The following LRRTM4 variants were observed in gnomAD, a reference collection of about 807,000 sequenced individuals.
The protein encoded by LRRTM4 is leucine-rich repeat transmembrane neuronal protein 4.
A neutral mutation model predicts 47.6 loss-of-function variants in LRRTM4; 25 were observed. That is an observed-to-expected ratio of 0.53 (90% CI 0.38 to 0.73). The LOEUF (loss-of-function observed/expected upper bound fraction) is 0.73. Among genes scored for constraint, LRRTM4 ranks in the 30% least tolerant of loss-of-function variants. The pLI, the probability that LRRTM4 is intolerant of heterozygous loss-of-function variation, is 0.00. For synonymous variants in LRRTM4, 311 were observed against 269.5 expected (o/e 1.15, Z -1.51); for missense variants, 638 against 713.4 (o/e 0.89, Z 1.20).
At chr2:77,001,225 A>T (rs1288266225) in intron 3 of LRRTM4, among the ~76,000 whole-genome samples, 1 of 152,174 alleles carries the variant, frequency 6.6e-6, no homozygotes, top group African/African-American at 2.4e-5. Flanking sequence ...TACACTCAAA[A>T]AAGTAAGGCC....
chr2:77,084,370 T>A (rs1031080638), intron 3 of LRRTM4, among the ~76,000 whole-genome samples: 1 of 152,204 alleles, frequency 6.6e-6, no homozygotes, highest in African/African-American at 2.4e-5. Flanking sequence ...GCCTACGTCC[T>A]GAGGACTTTG....
intron 3 of LRRTM4, among the ~76,000 whole-genome samples, chr2:77,357,239 AAAAC>A (rs1486520525): frequency 2.0e-5 from 3 of 152,178 alleles, no homozygotes; most frequent in Non-Finnish European, 4.4e-5. Flanking sequence ...TTGAAGAAGA[AAAAC>A]AAACAAAATG....
intron 3 of LRRTM4, among the ~76,000 whole-genome samples, chr2:77,281,926 T>A (rs1231532400): frequency 6.6e-6 from 1 of 151,892 alleles, no homozygotes; most frequent in African/African-American, 2.4e-5. Flanking sequence ...AAAAAAATCA[T>A]TCACATTGTA....
At chr2:77,515,396 A>G (rs2104114707) in intron 3 of LRRTM4, among the ~76,000 whole-genome samples, 1 of 151,986 alleles carries the variant, frequency 6.6e-6, no homozygotes, top group East Asian at 1.9e-4. Flanking sequence ...AATTTAAAAA[A>G]TCCTTTTAAA....
chr2:77,272,780 C>CT (rs1230777635), intron 3 of LRRTM4, among the ~76,000 whole-genome samples: 1 of 152,090 alleles, frequency 6.6e-6, no homozygotes, highest in African/African-American at 2.4e-5. Context: ...CACCACCCTC[C>CT]TTTTTTTCTT....
At chr2:77,346,021 T>TA (rs910190876) in intron 3 of LRRTM4, among the ~76,000 whole-genome samples, 17 of 151,534 alleles carry the variant, frequency 1.1e-4, no homozygotes, top group African/African-American at 2.4e-4. Context: ...ATACTACTTA[T>TA]AAAAAAAAGA....
intron 3 of LRRTM4, among the ~76,000 whole-genome samples, chr2:76,926,354 C>CT (rs142287925): frequency 0.014 from 2,107 of 152,180 alleles, 38 homozygotes; most frequent in African/African-American, 0.047. Flanking sequence ...TACCATATCA[C>CT]TCTATATTAG....
rs532990718 is a variant in LRRTM4 at position 77,422,421 on chromosome 2, A to C, written c.1551+95897T>G. On this transcript the variant is annotated intron_variant, in intron 3 of 3. Coordinates refer to ENST00000409884, the MANE Select transcript of LRRTM4 (RefSeq NM_001134745.3). ...CAGAAATGTAATAAATGGTACCAGC[A>C]AGTTGCAATTTGTTAAATCCATACT... 5.3e-5 allele frequency among the ~76,000 whole-genome samples: 8 copies of C among 152,306 alleles called. No homozygotes were observed. In the South Asian group the frequency reaches 1.7e-3, roughly 32 times the overall value.
At chr2:77,035,301 C>T (rs985266152) in intron 3 of LRRTM4, among the ~76,000 whole-genome samples, 8 of 151,076 alleles carry the variant, frequency 5.3e-5, no homozygotes, top group Non-Finnish European at 1.2e-4. Context: ...CCAGAAGAAT[C>T]CTGTATATAT....
chr2:77,167,741 G>A (rs191804656), intron 3 of LRRTM4, among the ~76,000 whole-genome samples: 431 of 152,236 alleles, frequency 2.8e-3, no homozygotes, highest in South Asian at 0.011. Flanking sequence ...TCATAGGTGG[G>A]AATTAAACAA....
At chr2:77,489,558 G>C (rs1438294334) in intron 3 of LRRTM4, among the ~76,000 whole-genome samples, 1 of 152,140 alleles carries the variant, frequency 6.6e-6, no homozygotes, top group Admixed American at 6.5e-5. Flanking sequence ...GCACATTTAA[G>C]AGTTTTCTTT....
Position 76,812,032 on chromosome 2 carries a change from T to C in LRRTM4, c.1552-63116A>G, listed in dbSNP as rs561994347. Among the ~76,000 whole-genome samples, 5 of 152,206 alleles carry C rather than the reference T, an allele frequency of 3.3e-5. No individual in the cohort carries two copies. In the South Asian group the frequency reaches 1.0e-3, roughly 31 times the overall value. ...AATTGTATTTCAAACACTGAGTTTA[T>C]TTTTTTCCTGGAGCAATAAAACATT... On this transcript the variant is annotated intron_variant, in intron 3 of 3. Transcript: ENST00000409884.
chr2:77,126,389 G>T (rs984524392), intron 3 of LRRTM4, among the ~76,000 whole-genome samples: 2 of 152,132 alleles, frequency 1.3e-5, no homozygotes, highest in African/African-American at 4.8e-5. Flanking sequence ...AAAGCAAGGA[G>T]AAGTAGAGAA....
intron 3 of LRRTM4, among the ~76,000 whole-genome samples, chr2:77,055,181 C>T (rs1351907510): frequency 6.6e-6 from 1 of 152,118 alleles, no homozygotes; most frequent in African/African-American, 2.4e-5. Flanking sequence ...GACAGCCTGC[C>T]CTGCTGCTTT....
chr2:76,909,704 C>T (rs1360249514), intron 3 of LRRTM4, among the ~76,000 whole-genome samples: 1 of 152,076 alleles, frequency 6.6e-6, no homozygotes, highest in East Asian at 1.9e-4. Flanking sequence ...AGACACTTCT[C>T]AAAAGAAGAC....
intron 3 of LRRTM4, among the ~76,000 whole-genome samples, chr2:77,199,946 T>C (rs573742728): frequency 6.6e-6 from 1 of 152,244 alleles, no homozygotes; most frequent in African/African-American, 2.4e-5. Context: ...AAACTTTTGC[T>C]AACTTTTGTT....
At chr2:76,803,106 A>AATGGTATTATATCAATC (rs1675791619) in intron 3 of LRRTM4, among the ~76,000 whole-genome samples, 1 of 152,130 alleles carries the variant, frequency 6.6e-6, no homozygotes, top group African/African-American at 2.4e-5. Context: ...AAAATAGACA[A>AATGGTATTATATCAATC]ATGGTATTAT....
chr2:77,082,979 C>T (rs941702937), intron 3 of LRRTM4, among the ~76,000 whole-genome samples: 35 of 152,010 alleles, frequency 2.3e-4, no homozygotes, highest in African/African-American at 8.5e-4. Flanking sequence ...AAAAATTACT[C>T]AATAATTTGA....
intron 3 of LRRTM4, among the ~76,000 whole-genome samples, chr2:77,312,507 T>C (rs1677484973): frequency 6.6e-6 from 1 of 152,220 alleles, no homozygotes; most frequent in Non-Finnish European, 1.5e-5. Context: ...ATACATTTAA[T>C]GGATTTTTGT....
Sources: gnomAD v4.1 joint callset for allele counts (sites outside exome capture counted in the v4.1 genomes callset) on GRCh38, gnomAD v4.1.1 for gene constraint, MANE v1.5 for transcripts, NCBI Gene and HGNC (gene_info 2026-07-23, HGNC 2026-07-21) for gene names.